The following LIN9 variants were observed in gnomAD, a reference collection of about 807,000 sequenced individuals.
The protein encoded by LIN9 is protein lin-9 homolog.
In LIN9, 18 loss-of-function variants were observed where a neutral mutation model predicts 78.0. The ratio of observed to expected loss-of-function variants is 0.23; its 90% CI spans 0.16 to 0.34. The LOEUF is 0.34. LIN9 is among the 10% of genes least tolerant of loss of function. The pLI is 1.00. For missense variants in LIN9, 451 were observed against 644.1 expected, an observed-to-expected ratio of 0.70 and a Z score of 3.25; for synonymous variants, 192 against 215.2, an observed-to-expected ratio of 0.89 and a Z score of 0.94.
chr1:226,275,691 C>CAAAAAAAAAA lies in LIN9; in HGVS notation c.682+2083_682+2084insTTTTTTTTTT, dbSNP rs1315376373. 4.6e-5 allele frequency among the ~76,000 whole-genome samples: 2 copies of CAAAAAAAAAA among 43,432 alleles called. 1 individual carries two copies. The allele number at this position is 43,432 out of a possible 152,430, so 28.5% of individuals were successfully genotyped here. On this transcript the variant is annotated intron_variant, in intron 7 of 14. Coordinates refer to ENST00000681046, the MANE Select transcript of LIN9 (RefSeq NM_001366245.2). ...CTGGCAACAGAGCAAGACTCCGTCT[C>CAAAAAAAAAA]AGAAAAAAAAAAAAAAAAAAAGAAA...
chr1:226,271,814 T>A (rs1660294022), intron 7 of LIN9, among the ~76,000 whole-genome samples: 1 of 152,168 alleles, frequency 6.6e-6, no homozygotes, highest in Admixed American at 6.5e-5. Context: ...GATTGGTATA[T>A]CTTTCTGAAC....
At chr1:226,287,050 G>A (rs1175317473) in intron 5 of LIN9, among the ~76,000 whole-genome samples, 6 of 152,178 alleles carry the variant, frequency 3.9e-5, no homozygotes, top group Non-Finnish European at 7.3e-5. Flanking sequence ...AAGCTCCAGA[G>A]TAGGCAATTG....
chr1:226,301,936 G>A (rs1472585051), intron 1 of LIN9, among the ~76,000 whole-genome samples: 1 of 152,144 alleles, frequency 6.6e-6, no homozygotes, highest in African/African-American at 2.4e-5. Flanking sequence ...GGGTATGGGG[G>A]CACGTGCCTA....
chr1:226,237,906 T>C (rs1270581621), intron 12 of LIN9, among the ~76,000 whole-genome samples: 1 of 150,768 alleles, frequency 6.6e-6, no homozygotes, highest in Non-Finnish European at 1.5e-5. Flanking sequence ...TGAGCCGAGA[T>C]TGTGCCACTG....
upstream of LIN9, chr1:226,309,239 C>T (rs778272870): frequency 2.2e-6 from 3 of 1,375,706 alleles, no homozygotes; most frequent in South Asian, 1.6e-5. Flanking sequence ...GAGCTCGCTG[C>T]CCGCGGCGCC....
chr1:226,296,080 C>A, intron 3 of LIN9, 134 bp from the exon 4 acceptor site: 1 of 572,530 alleles, frequency 1.7e-6, no homozygotes, highest in South Asian at 2.3e-5. Flanking sequence ...ATGGGCAACA[C>A]AAAGCACACA....
At position 226,299,595 on chromosome 1, in the gene LIN9, GACAA is replaced by G. The variant is rs1662388568; in HGVS notation, c.64+1574_64+1577del. Among the ~76,000 whole-genome samples the G allele has an allele frequency of 2.0e-5, 3 of 150,668 alleles. No individual in the cohort carries two copies. In the South Asian group the frequency reaches 6.3e-4, roughly 32 times the overall value. ...GGAATAATTTTTAAGAATCACAAAAGACAAACAAACTGGGGTGTTCTGGAAGACA... is the reference window on the plus strand; with the variant it reads ...GGAATAATTTTTAAGAATCACAAAAGACAAACTGGGGTGTTCTGGAAGACA... On this transcript the variant is annotated intron_variant, in intron 2 of 14. Coordinates refer to ENST00000681046, the MANE Select transcript of LIN9 (RefSeq NM_001366245.2).
At chr1:226,302,978 ACT>A (rs71168976) in intron 1 of LIN9, among the ~76,000 whole-genome samples, 22,429 of 152,098 alleles carry the variant, frequency 0.15, 1,815 homozygotes, top group East Asian at 0.22. Flanking sequence ...CTTTCACTCT[ACT>A]CTCTTGCCCA....
In LIN9 at chr1:226,233,482, T is replaced by C. The variant is rs1473765278; in HGVS notation, c.1287A>G (p.Thr429=). 6.2e-7 allele frequency: 1 copy of C among 1,614,106 alleles called. No individual in the cohort carries two copies. Among genetic ancestry groups the C allele is most frequent in the South Asian group, 1.1e-5 (1 of 91,070 alleles). ...DQGLQPADQP[T]DMRRRCEEEA... ...CTTCCTCACACCTGCGTCTCATATC[T>C]GTTGGCTGATCTGCAGGCTGGAGCC... is the stretch of plus-strand genomic sequence containing the variant. Residue 429 remains threonine, a synonymous_variant, in exon 13 of 15, where the codon ACA becomes ACG. Transcript: ENST00000681046.
intron 11 of LIN9, among the ~76,000 whole-genome samples, chr1:226,250,043 G>A (rs1188049489): frequency 3.3e-5 from 5 of 151,924 alleles, no homozygotes; most frequent in Non-Finnish European, 5.9e-5. Context: ...GGTGGTGTGC[G>A]CCTGTAATCC....
intron 10 of LIN9, among the ~76,000 whole-genome samples, chr1:226,253,906 T>C (rs1309760145): frequency 6.6e-6 from 1 of 152,004 alleles, no homozygotes; most frequent in Non-Finnish European, 1.5e-5. Context: ...CAGAGTAAGA[T>C]TCTGTTTCAA....
At chr1:226,247,048 T>C (rs1658527744) in intron 11 of LIN9, among the ~76,000 whole-genome samples, 1 of 152,174 alleles carries the variant, frequency 6.6e-6, no homozygotes, top group African/African-American at 2.4e-5. Context: ...CTCATTTTTA[T>C]CTTCATGTTT....
chr1:226,270,390 G>A (rs771634739), intron 7 of LIN9, among the ~76,000 whole-genome samples: 1 of 152,120 alleles, frequency 6.6e-6, no homozygotes, highest in Non-Finnish European at 1.5e-5. Context: ...ATACATAGTT[G>A]CTACAATATA....
intron 11 of LIN9, among the ~76,000 whole-genome samples, chr1:226,244,166 G>A (rs534259295): frequency 2.7e-5 from 4 of 147,426 alleles, no homozygotes; most frequent in East Asian, 2.3e-4. Context: ...GTGAGCCACC[G>A]TGCCTGGCCT....
intron 11 of LIN9, among the ~76,000 whole-genome samples, chr1:226,243,746 A>T (rs994635625): frequency 6.6e-6 from 1 of 151,572 alleles, no homozygotes; most frequent in Non-Finnish European, 1.5e-5. Context: ...ACCCAATAGT[A>T]TATATTCTAT....
intron 2 of LIN9, among the ~76,000 whole-genome samples, chr1:226,300,358 C>T (rs1206829954): frequency 6.6e-6 from 1 of 151,810 alleles, no homozygotes; most frequent in African/African-American, 2.4e-5. Flanking sequence ...CGAGACCAGC[C>T]TGGGCAACAA....
chr1:226,253,475 G>C (rs964366257), intron 10 of LIN9, among the ~76,000 whole-genome samples: 2 of 151,184 alleles, frequency 1.3e-5, no homozygotes, highest in Non-Finnish European at 1.5e-5. Context: ...TGTATTTTTA[G>C]TAGAGATGAG....
chr1:226,243,117 G>T (rs1304386659), intron 11 of LIN9, among the ~76,000 whole-genome samples: 2 of 152,002 alleles, frequency 1.3e-5, no homozygotes, highest in African/African-American at 2.4e-5. Context: ...GTTGTTTGAG[G>T]GTCAACTGTA....
intron 6 of LIN9, among the ~76,000 whole-genome samples, chr1:226,278,626 C>A (rs1660819891): frequency 6.9e-6 from 1 of 145,818 alleles, no homozygotes; most frequent in Non-Finnish European, 1.5e-5. Context: ...GAGTTCGAGA[C>A]TAACCTGGCC....
Sources: gnomAD v4.1 joint callset for allele counts (sites outside exome capture counted in the v4.1 genomes callset) on GRCh38, gnomAD v4.1.1 for gene constraint, MANE v1.5 for transcripts, NCBI Gene and HGNC (gene_info 2026-07-23, HGNC 2026-07-21) for gene names.